MGAT4C: variants seen among roughly 807,000 people sequenced by gnomAD.
MGAT4C encodes alpha-1,3-mannosyl-glycoprotein 4-beta-N-acetylglucosaminyltransferase C.
Under a neutral mutation model 40.1 loss-of-function variants are expected in MGAT4C, and 19 were observed. The ratio of observed to expected loss-of-function variants is 0.47; its 90% CI spans 0.33 to 0.70. The LOEUF (loss-of-function observed/expected upper bound fraction) is 0.70. MGAT4C is among the 30% of genes least tolerant of loss of function. MGAT4C has a pLI of 0.02. For synonymous variants in MGAT4C, 181 were observed against 187.1 expected (o/e 0.97, Z 0.27); for missense variants, 491 against 563.2 (o/e 0.87, Z 1.30).
intron 1 of MGAT4C, among the ~76,000 whole-genome samples, chr12:86,230,342 A>G (rs907209207): frequency 6.6e-6 from 1 of 152,148 alleles, no homozygotes; most frequent in African/African-American, 2.4e-5. Flanking sequence ...GAACAGCCCT[A>G]CACTCTATAT....
chr12:86,759,083 C>T (rs2136149856), intron 1 of MGAT4C, among the ~76,000 whole-genome samples: 1 of 152,114 alleles, frequency 6.6e-6, no homozygotes, highest in South Asian at 2.1e-4. Flanking sequence ...TGTTATTTTG[C>T]CTACTTCTAT....
intron 4 of MGAT4C, among the ~76,000 whole-genome samples, chr12:86,286,856 C>T (rs1354463913): frequency 6.6e-6 from 1 of 151,954 alleles, no homozygotes; most frequent in African/African-American, 2.4e-5. Flanking sequence ...TTCTGTACCC[C>T]TGTAAGTTCT....
At chr12:86,286,787 G>T (rs919880794) in intron 4 of MGAT4C, among the ~76,000 whole-genome samples, 1 of 149,324 alleles carries the variant, frequency 6.7e-6, no homozygotes, top group East Asian at 2.0e-4. Flanking sequence ...TCTACTGTGT[G>T]TCCATATGTA....
intron 1 of MGAT4C, among the ~76,000 whole-genome samples, chr12:86,234,893 C>T (rs756668450): frequency 1.3e-5 from 2 of 151,890 alleles, no homozygotes; most frequent in Non-Finnish European, 2.9e-5. Flanking sequence ...CATCTGACAC[C>T]ACTGCCTCCT....
At chr12:86,582,243 A>G (rs1050508804) in intron 2 of MGAT4C, among the ~76,000 whole-genome samples, 2 of 151,484 alleles carry the variant, frequency 1.3e-5, no homozygotes, top group African/African-American at 2.4e-5. Flanking sequence ...TAACAACAAC[A>G]AAGTCTTCAG....
intron 2 of MGAT4C, among the ~76,000 whole-genome samples, chr12:86,477,842 G>T (rs142343685): frequency 0.011 from 1,697 of 152,094 alleles, 11 homozygotes; most frequent in Non-Finnish European, 0.019. Flanking sequence ...CAGAACATGC[G>T]GTGTTTGGTT....
At chr12:86,437,431 C>T (rs1957155362) in intron 2 of MGAT4C, among the ~76,000 whole-genome samples, 1 of 151,510 alleles carries the variant, frequency 6.6e-6, no homozygotes, top group African/African-American at 2.4e-5. Flanking sequence ...TTGACGTCCC[C>T]CTCTCTAAAT....
At chr12:86,496,893 G>A (rs1341854104) in intron 2 of MGAT4C, among the ~76,000 whole-genome samples, 1 of 151,614 alleles carries the variant, frequency 6.6e-6, no homozygotes, top group African/African-American at 2.4e-5. Flanking sequence ...TACCTATATG[G>A]GTCTCCCATA....
chr12:86,812,539 T>G (rs2136217337), intron 1 of MGAT4C, among the ~76,000 whole-genome samples: 1 of 152,256 alleles, frequency 6.6e-6, no homozygotes, highest in East Asian at 1.9e-4. Context: ...CTTCTGTCAT[T>G]ATTAAACTTC....
At position 86,546,411 on chromosome 12, in the gene MGAT4C, G is replaced by A. The variant is rs141883867; in HGVS notation, c.-228-111146C>T. ...GAAAAAGAAGCTCAGTTTTTCTATT[G>A]CATCTCTGCATGGACACTTCTGAAA... On this transcript the variant is annotated intron_variant, in intron 2 of 7. Transcript: ENST00000548651. 1.5e-3 allele frequency among the ~76,000 whole-genome samples: 224 copies of A among 151,858 alleles called. 1 individual carries two copies. The highest frequency in any genetic ancestry group is 5.2e-3 in the African/African-American group (216 of 41,520).
chr12:86,367,111 A>C (rs558597177), intron 3 of MGAT4C, among the ~76,000 whole-genome samples: 1 of 152,134 alleles, frequency 6.6e-6, no homozygotes, highest in East Asian at 2.0e-4. Flanking sequence ...CATCTCAGAC[A>C]AACACCACCA....
At chr12:86,460,826 T>TA (rs1168185172) in intron 2 of MGAT4C, among the ~76,000 whole-genome samples, 2 of 152,246 alleles carry the variant, frequency 1.3e-5, no homozygotes, top group South Asian at 2.1e-4. Context: ...CCATGCCATT[T>TA]AAAAAAATTA....
rs948996806 is a variant in MGAT4C, at chr12:86,477,866, A to G, written c.-228-42601T>C. 2.6e-5 allele frequency among the ~76,000 whole-genome samples: 4 copies of G among 152,024 alleles called. No individual in the cohort carries two copies. The South Asian group carries it at 8.3e-4, about 31-fold the overall frequency. ...CGGTGTTTGGTTTTTTGTCCTTGCAATAGTTTGCTGAGGATGATGGTTTCC... is the reference window on the plus strand; with the variant it reads ...CGGTGTTTGGTTTTTTGTCCTTGCAGTAGTTTGCTGAGGATGATGGTTTCC... On this transcript the variant is annotated intron_variant, in intron 2 of 7. Coordinates refer to the MGAT4C transcript ENST00000548651.
intron 1 of MGAT4C, among the ~76,000 whole-genome samples, chr12:86,249,799 C>T (rs545066866): frequency 5.9e-5 from 9 of 152,152 alleles, no homozygotes; most frequent in South Asian, 2.1e-4. Flanking sequence ...CCCACCTGTA[C>T]CTGAAAAAGT....
rs529961457 is a variant in MGAT4C, at chr12:86,674,824, C to T, written c.-229+52385G>A. Reference sequence around the variant, plus strand: ...AGTAATTAAGACTAGTAAATAGTAACCACTTTTATTTGAACATAAAATATA... The same window carrying T: ...AGTAATTAAGACTAGTAAATAGTAATCACTTTTATTTGAACATAAAATATA... On this transcript the variant is annotated intron_variant, in intron 2 of 7. Coordinates refer to the MGAT4C transcript ENST00000548651. Among the ~76,000 whole-genome samples the T allele has an allele frequency of 4.6e-5, 7 of 152,170 alleles. No homozygotes were observed. The East Asian group carries it at 1.4e-3, about 29-fold the overall frequency.
chr12:86,416,658 G>T (rs150381414), intron 3 of MGAT4C, among the ~76,000 whole-genome samples: 2 of 152,220 alleles, frequency 1.3e-5, no homozygotes, highest in African/African-American at 4.8e-5. Flanking sequence ...ACTTGATATA[G>T]ATCTCATGGG....
intron 1 of MGAT4C, among the ~76,000 whole-genome samples, chr12:86,756,924 A>C (rs560852398): frequency 6.3e-4 from 96 of 152,300 alleles, no homozygotes; most frequent in African/African-American, 2.3e-3. Context: ...AATGTATAAC[A>C]AAATCATAAT....
At chr12:86,204,119 CAG>C (rs1950163844) in intron 1 of MGAT4C, among the ~76,000 whole-genome samples, 1 of 151,492 alleles carries the variant, frequency 6.6e-6, no homozygotes, top group African/African-American at 2.4e-5. Context: ...TTACAAGAAA[CAG>C]AGTCAGATAA....
At chr12:86,129,087 C>A (rs993194163) in intron 1 of MGAT4C, among the ~76,000 whole-genome samples, 1 of 151,960 alleles carries the variant, frequency 6.6e-6, no homozygotes, top group South Asian at 2.1e-4. Context: ...GACTTTGGTG[C>A]AGAATAATTA....
Sources: gnomAD v4.1 joint callset for allele counts (sites outside exome capture counted in the v4.1 genomes callset) on GRCh38, gnomAD v4.1.1 for gene constraint, MANE v1.5 for transcripts, NCBI Gene and HGNC (gene_info 2026-07-23, HGNC 2026-07-21) for gene names.